The following NCKAP5 variants were observed in gnomAD, a reference collection of about 807,000 sequenced individuals.
NCKAP5 encodes NCK associated protein 5.
In NCKAP5, 92 loss-of-function variants were observed where a neutral mutation model predicts 167.0. That is an observed-to-expected ratio of 0.55 (90% CI 0.47 to 0.66). The LOEUF (loss-of-function observed/expected upper bound fraction) is 0.66, where lower values mean the gene tolerates loss of function less well. NCKAP5 is among the 30% of genes least tolerant of loss of function. The pLI is 0.00. For missense variants in NCKAP5, 2,378 were observed against 2,315.0 expected, an observed-to-expected ratio of 1.03 and a Z score of -0.56; for synonymous variants, 891 against 877.4, an observed-to-expected ratio of 1.02 and a Z score of -0.27.
At chr2:132,680,836 C>A (rs985972098) in intron 19 of NCKAP5, among the ~76,000 whole-genome samples, 1 of 152,164 alleles carries the variant, frequency 6.6e-6, no homozygotes, top group African/African-American at 2.4e-5. Flanking sequence ...TTATAAGAAA[C>A]ACATTTGTGA....
chr2:133,149,166 A>G (rs2083298797), intron 5 of NCKAP5, among the ~76,000 whole-genome samples: 2 of 152,208 alleles, frequency 1.3e-5, no homozygotes, highest in South Asian at 4.1e-4. Context: ...CCTTCTGTTA[A>G]CAGACACCTT....
At chr2:133,217,069 C>T (rs1393943137) in intron 4 of NCKAP5, among the ~76,000 whole-genome samples, 2 of 152,044 alleles carry the variant, frequency 1.3e-5, no homozygotes, top group African/African-American at 4.8e-5. Flanking sequence ...CTCATTGCCT[C>T]GGACCTGAGA....
At chr2:133,408,575 C>T (rs1444434270) in intron 3 of NCKAP5, among the ~76,000 whole-genome samples, 1 of 152,158 alleles carries the variant, frequency 6.6e-6, no homozygotes, top group African/African-American at 2.4e-5. Flanking sequence ...CTTGGGGACA[C>T]AGAAAGGCCC....
intron 8 of NCKAP5, among the ~76,000 whole-genome samples, chr2:132,919,788 C>G (rs1574629620): frequency 6.6e-6 from 1 of 152,262 alleles, no homozygotes; most frequent in South Asian, 2.1e-4. Flanking sequence ...TGCATCAACT[C>G]TAGGGAAATT....
intron 5 of NCKAP5, among the ~76,000 whole-genome samples, chr2:133,139,527 T>C (rs1468623687): frequency 6.6e-6 from 1 of 152,138 alleles, no homozygotes; most frequent in African/African-American, 2.4e-5. Flanking sequence ...ATTACACAAT[T>C]AGGAAGAGGA....
At chr2:133,139,114 C>T (rs976698902) in intron 5 of NCKAP5, among the ~76,000 whole-genome samples, 2 of 152,168 alleles carry the variant, frequency 1.3e-5, no homozygotes, top group African/African-American at 4.8e-5. Context: ...ATCACATACC[C>T]CGAGGGCCTG....
chr2:132,751,138 C>T lies in NCKAP5; in HGVS notation c.5129-19087G>A, dbSNP rs115502775. 9.2e-3 allele frequency among the ~76,000 whole-genome samples: 1,401 copies of T among 151,706 alleles called. 25 individuals are homozygous for T. The highest frequency in any genetic ancestry group is 0.011 in the Non-Finnish European group (718 of 67,896). The stretch of plus-strand genomic sequence containing the variant: ...CTGTCTTGGTGGGAGGCGTTTGGAT[C>T]ATAGGGGTGGATCCCTCATGAATAG... On this transcript the variant is annotated intron_variant, in intron 16 of 19. Coordinates refer to ENST00000409261, the MANE Select transcript of NCKAP5 (RefSeq NM_207363.3).
chr2:132,975,635 A>G (rs979609225), intron 7 of NCKAP5, among the ~76,000 whole-genome samples: 4 of 152,212 alleles, frequency 2.6e-5, no homozygotes, highest in African/African-American at 7.2e-5. Context: ...CATCTAAGAA[A>G]ACTAATAACA....
intron 8 of NCKAP5, chr2:132,926,275 C>T (rs938805919): frequency 8.8e-6 from 2 of 226,340 alleles, no homozygotes; most frequent in South Asian, 1.1e-4. Flanking sequence ...ACCACGTTTT[C>T]TTTATCCACT....
intron 19 of NCKAP5, among the ~76,000 whole-genome samples, chr2:132,712,630 C>A (rs1688977330): frequency 1.3e-5 from 2 of 151,746 alleles, no homozygotes; most frequent in Admixed American, 6.6e-5. Context: ...CCAGCCTGGG[C>A]AACAGAGTGA....
chr2:133,596,631 C>T, the NCKAP5 span, among the ~76,000 whole-genome samples: 11 of 152,146 alleles, frequency 7.2e-5, 3 homozygotes, highest in African/African-American at 2.6e-4. Flanking sequence ...CAGAATGTTG[C>T]TATTAACGGA....
chr2:132,687,750 C>CAT (rs1686147622), intron 19 of NCKAP5, among the ~76,000 whole-genome samples: 1 of 150,190 alleles, frequency 6.7e-6, no homozygotes, highest in African/African-American at 2.5e-5. Flanking sequence ...CACACACACA[C>CAT]ACACACCCTT....
intron 3 of NCKAP5, among the ~76,000 whole-genome samples, chr2:133,306,247 G>A (rs1199648032): frequency 1.3e-5 from 2 of 152,234 alleles, no homozygotes; most frequent in East Asian, 3.8e-4. Flanking sequence ...AGTACATACA[G>A]GAGGTTATTG....
the NCKAP5 span, among the ~76,000 whole-genome samples, chr2:133,613,136 C>T: frequency 1.3e-5 from 2 of 152,038 alleles, no homozygotes; most frequent in Non-Finnish European, 2.9e-5. Flanking sequence ...AGAATCATAC[C>T]CAAAAAAGTT....
intron 3 of NCKAP5, among the ~76,000 whole-genome samples, chr2:133,470,353 A>G (rs192021119): frequency 6.6e-6 from 1 of 152,118 alleles, no homozygotes; most frequent in Non-Finnish European, 1.5e-5. Context: ...CCACTTGAGG[A>G]GGCAGTCTGC....
Position 133,362,607 on chromosome 2 carries a change from T to C in NCKAP5, c.70-59497A>G, listed in dbSNP as rs543568221. On this transcript the variant is annotated intron_variant, in intron 3 of 19. Coordinates refer to ENST00000409261, the MANE Select transcript of NCKAP5 (RefSeq NM_207363.3). ...TGTTTTAAAAGAGAGTGTATGACCATCTAGAAAAGAAATCAATGGTCACTA... is the reference window on the plus strand; with the variant it reads ...TGTTTTAAAAGAGAGTGTATGACCACCTAGAAAAGAAATCAATGGTCACTA... Among the ~76,000 whole-genome samples, 7 of 152,274 alleles carry C rather than the reference T, an allele frequency of 4.6e-5. No homozygotes were observed. In the East Asian group the frequency reaches 1.3e-3, roughly 29 times the overall value.
intron 6 of NCKAP5, among the ~76,000 whole-genome samples, chr2:133,079,245 T>C (rs1038698342): frequency 1.3e-5 from 2 of 152,156 alleles, no homozygotes; most frequent in African/African-American, 4.8e-5. Context: ...CACTGAATCA[T>C]CAAAGGGAGA....
intron 6 of NCKAP5, among the ~76,000 whole-genome samples, chr2:133,052,076 G>A (rs934667602): frequency 6.6e-6 from 1 of 152,134 alleles, no homozygotes; most frequent in Non-Finnish European, 1.5e-5. Context: ...TAGAATATTT[G>A]TAACAAAACA....
intron 6 of NCKAP5, among the ~76,000 whole-genome samples, chr2:132,998,770 G>A (rs2077686607): frequency 6.6e-6 from 1 of 152,138 alleles, no homozygotes; most frequent in Non-Finnish European, 1.5e-5. Flanking sequence ...ACATAGTACA[G>A]TTCCACCATC....
Sources: gnomAD v4.1 joint callset for allele counts (sites outside exome capture counted in the v4.1 genomes callset) on GRCh38, gnomAD v4.1.1 for gene constraint, MANE v1.5 for transcripts, NCBI Gene and HGNC (gene_info 2026-07-23, HGNC 2026-07-21) for gene names.